The following CR2 variants were observed in gnomAD, a reference collection of about 807,000 sequenced individuals.
CR2 encodes the protein complement receptor type 2.
Under a neutral mutation model 123.0 loss-of-function variants are expected in CR2, and 96 were observed. That is an observed-to-expected ratio of 0.78 (90% CI 0.66 to 0.93). The LOEUF (loss-of-function observed/expected upper bound fraction) is 0.93, where lower values mean the gene tolerates loss of function less well. Ranked by LOEUF, CR2 falls within the 40% of genes least tolerant of loss-of-function variation. CR2 has a pLI of 0.00. For missense variants in CR2, 1,258 were observed against 1,361.0 expected (o/e 0.92, Z 1.19); for synonymous variants, 484 against 469.5 (o/e 1.03, Z -0.40).
At position 207,476,251 on chromosome 1, in the gene CR2, C is replaced by T. The variant is rs1490277692; in HGVS notation, c.2734C>T (p.Pro912Ser). The T allele has an allele frequency of 6.2e-7, 1 of 1,613,608 alleles. No individual in the cohort carries two copies. The highest frequency in any genetic ancestry group is 1.7e-5 in the Admixed American group (1 of 59,964). The stretch of plus-strand genomic sequence containing the variant: ...TGTCTAAGCCTTCATAGGGTGTCCA[C>T]CTCCGCCTAAGACCCCTAACGGGAA... ...CIKKAFIGCPPPPKTPNGNHT... is the reference protein window; with the variant it reads ...CIKKAFIGCPSPPKTPNGNHT... Residue 912 changes from proline (P) to serine (S), a missense_variant, in exon 15 of 20, where the codon CCT becomes TCT. Transcript: ENST00000367057.
chr1:207,476,450 A>G, intron 15 of CR2, 31 bp downstream of exon 15: 1 of 1,591,254 alleles, frequency 6.3e-7, no homozygotes, highest in African/African-American at 1.4e-5. Context: ...TCTTATTTTT[A>G]TATCAAATTT....
Position 207,457,994 on chromosome 1 carries a change from G to A in CR2, c.58+3518G>A, listed in dbSNP as rs185692061. ...CTTGGCATCTTGATGTGGATGCCTA[G>A]TGTGTTAGATATACCAAGTCTGAAT... On this transcript the variant is annotated intron_variant, in intron 1 of 19. Coordinates refer to ENST00000367057, the MANE Select transcript of CR2 (RefSeq NM_001006658.3). Among the ~76,000 whole-genome samples the A allele has an allele frequency of 3.4e-3, 508 of 150,896 alleles. 4 individuals are homozygous for A. The highest frequency in any genetic ancestry group is 0.014 in the Middle Eastern group (4 of 292).
chr1:207,465,470 C>A (rs1238174822), intron 1 of CR2, among the ~76,000 whole-genome samples: 2 of 152,182 alleles, frequency 1.3e-5, no homozygotes, highest in African/African-American at 4.8e-5. Context: ...ATATATGCCA[C>A]TCTTCTCTGT....
At chr1:207,478,525 C>CAAAAAAAAA (rs36116544) in intron 16 of CR2, among the ~76,000 whole-genome samples, 23 of 58,728 alleles carry the variant, frequency 3.9e-4, no homozygotes, top group South Asian at 7.9e-4. Flanking sequence ...AAGACCCTAT[C>CAAAAAAAAA]AAAAAAAAAA....
rs1417980271 is a variant in CR2, at chr1:207,485,588, G to A, written c.*18+16G>A. 7.3e-7 allele frequency: 1 copy of A among 1,370,292 alleles called. No homozygotes were observed. Among genetic ancestry groups the A allele is most frequent in the Admixed American group, 1.7e-5 (1 of 59,664 alleles). The allele number at this position is 1,370,292 out of a possible 1,614,324, so 84.9% of individuals were successfully genotyped here. ...CAAACTGGTGGTATGTAATGAAATG[G>A]AATATTATTAATTTACATATAAAAT... On this transcript the variant is annotated intron_variant, in intron 19 of 19. Transcript: ENST00000367057.
At position 207,477,272 on chromosome 1, in the gene CR2, G is replaced by A. The variant is rs556374699; in HGVS notation, c.2903-613G>A. Among the ~76,000 whole-genome samples, 8 of 152,300 alleles carry A rather than the reference G, an allele frequency of 5.3e-5. No individual in the cohort carries two copies. The South Asian group carries it at 1.2e-3, about 24-fold the overall frequency. On this transcript the variant is annotated intron_variant, in intron 15 of 19. Transcript: ENST00000367057. The stretch of plus-strand genomic sequence containing the variant: ...CTTACATGATGGCAGGCAAGAGAGC[G>A]TGTGCAGGAGAACTGTCCTTTATAA...
rs553210056 is a variant in CR2, at chr1:207,484,330, TTTATTTCCATTTGCTAAC to T, written c.3189-1133_3189-1116del. 3.9e-5 allele frequency among the ~76,000 whole-genome samples: 6 copies of T among 152,358 alleles called. No individual in the cohort carries two copies. The East Asian group carries it at 1.2e-3, about 29-fold the overall frequency. On this transcript the variant is annotated intron_variant, in intron 18 of 19. Coordinates refer to ENST00000367057, the MANE Select transcript of CR2 (RefSeq NM_001006658.3). ...TAACCAGATTCCTAGTTGCCATTCA[TTTATTTCCATTTGCTAAC>T]CCACTTCAATTGATTTTCCAATAAT...
chr1:207,467,310 A>G (rs1417073821), intron 2 of CR2, among the ~76,000 whole-genome samples: 3 of 152,060 alleles, frequency 2.0e-5, no homozygotes, highest in Middle Eastern at 3.4e-3. Flanking sequence ...AAATTAATGT[A>G]TAAGTAGCTG....
At chr1:207,474,427 C>T in intron 13 of CR2, 104 bp downstream of exon 13, 1 of 868,272 alleles carries the variant, frequency 1.2e-6, no homozygotes, top group East Asian at 2.5e-5. Context: ...TAGGCGTCTC[C>T]CTCATTGGAG....
At chr1:207,481,839 A>G (rs1291425622) in intron 18 of CR2, among the ~76,000 whole-genome samples, 3 of 152,104 alleles carry the variant, frequency 2.0e-5, no homozygotes, top group African/African-American at 7.2e-5. Flanking sequence ...AGGAAAGTCT[A>G]TCTTTATACA....
rs1238536968 is a variant in CR2, at chr1:207,469,218, T to C, written c.803T>C (p.Met268Thr). The change falls in exon 5 of 20, where the codon ATG (methionine) becomes ACG (threonine). Residue 268 changes from methionine (M) to threonine (T), a missense_variant. Physicochemically the swap from Met to Thr is moderately conservative, Grantham distance 81 (BLOSUM62 -1). Transcript: ENST00000367057. Reference sequence around the variant, plus strand: ...GGACAGGGAGTTGCTTGGACCAAAATGCCAGTATGTGAAGGTAGGCTAGGC... The same window carrying C: ...GGACAGGGAGTTGCTTGGACCAAAACGCCAGTATGTGAAGGTAGGCTAGGC... Reference protein sequence around the residue: ...IAGQGVAWTKMPVCEEIFCPS... With the variant: ...IAGQGVAWTKTPVCEEIFCPS... 2 of 1,613,664 alleles carry C rather than the reference T, an allele frequency of 1.2e-6. No individual in the cohort carries two copies. Among genetic ancestry groups the C allele is most frequent in the African/African-American group, 2.7e-5 (2 of 74,880 alleles).
Position 207,454,352 on chromosome 1 carries a change from C to A in CR2, c.-67C>A. The A allele has an allele frequency of 7.2e-7, 1 of 1,383,496 alleles. No individual in the cohort carries two copies. The highest frequency in any genetic ancestry group is 9.9e-7 in the Non-Finnish European group (1 of 1,005,526). The allele number at this position is 1,383,496 out of a possible 1,614,324, so 85.7% of individuals were successfully genotyped here. On this transcript the variant is annotated 5_prime_UTR_variant, in exon 1 of 20. Transcript: ENST00000367057. The surrounding 1 kb of genome is among the most constrained non-coding windows in gnomAD (Gnocchi z 4.3). ...CAGCTGCTTGCTGCTCCAGCCTTGC[C>A]CTCCCAGAGCTGCCGGACGCTCGCG...
intron 17 of CR2, 111 bp downstream of exon 17, chr1:207,479,391 T>C (rs894015757): frequency 2.6e-5 from 20 of 777,294 alleles, no homozygotes; most frequent in Non-Finnish European, 3.8e-5. Flanking sequence ...TAGGGAATGT[T>C]CTCTTTTTGG....
chr1:207,477,745 C>T, intron 15 of CR2, 140 bp from the exon 16 acceptor site: 1 of 720,346 alleles, frequency 1.4e-6, no homozygotes, highest in Non-Finnish European at 2.5e-6. Context: ...AGGATATAGT[C>T]TTATCCTATT....
Position 207,468,882 on chromosome 1 carries a change from CTT to C in CR2, c.721_722del (p.Phe241LeufsTer2), listed in dbSNP as rs749636258. 3 of 1,613,872 alleles carry C rather than the reference CTT, an allele frequency of 1.9e-6. No homozygotes were observed. Among genetic ancestry groups the C allele is most frequent in the Non-Finnish European group, 2.5e-6 (3 of 1,179,860 alleles). On this transcript the variant is annotated frameshift_variant, in exon 4 of 20. Coordinates refer to ENST00000367057, the MANE Select transcript of CR2 (RefSeq NM_001006658.3). LOFTEE classifies it high-confidence loss of function. ...TTCTCCGGGTTGGTGTAACTGCAAA[CTT>C]TTTCTGTGATGAAGGGTGAGTGTCA... ...PILRVGVTAN[F>X]FCDEGYRLQG... is the part of the protein sequence containing the mutation.
chr1:207,483,898 T>C (rs1558198649), intron 18 of CR2, among the ~76,000 whole-genome samples: 1 of 151,910 alleles, frequency 6.6e-6, no homozygotes, highest in Non-Finnish European at 1.5e-5. Context: ...AAAATTGGGA[T>C]GAGAACAGCC....
At chr1:207,466,272 A>G (rs1381022018) in intron 1 of CR2, among the ~76,000 whole-genome samples, 1 of 152,044 alleles carries the variant, frequency 6.6e-6, no homozygotes, top group Admixed American at 6.6e-5. Flanking sequence ...AATTGATTAG[A>G]CTCAGAACTT....
At chr1:207,481,091 G>A (rs545681051) in intron 18 of CR2, among the ~76,000 whole-genome samples, 77 of 151,548 alleles carry the variant, frequency 5.1e-4, no homozygotes, top group African/African-American at 1.5e-3. Context: ...ATATTACTAC[G>A]TTTCTATGTT....
chr1:207,463,217 CAT>C (rs1342258762), intron 1 of CR2, among the ~76,000 whole-genome samples: 3 of 152,158 alleles, frequency 2.0e-5, no homozygotes, highest in African/African-American at 7.2e-5. Flanking sequence ...TTGACAATGA[CAT>C]ATTCTTGTAA....
Sources: gnomAD v4.1 joint callset for allele counts (sites outside exome capture counted in the v4.1 genomes callset) on GRCh38, gnomAD v4.1.1 for gene constraint, Gnocchi (gnomAD v3.1) non-coding constraint, MANE v1.5 for transcripts, NCBI Gene and HGNC (gene_info 2026-07-23, HGNC 2026-07-21) for gene names.